GALNT17: variants seen among roughly 807,000 people sequenced by gnomAD.
The protein encoded by GALNT17 is polypeptide N-acetylgalactosaminyltransferase 17.
In GALNT17, 29 loss-of-function variants were observed where a neutral mutation model predicts 63.7. The ratio of observed to expected loss-of-function variants is 0.46; its 90% CI spans 0.34 to 0.62. The LOEUF (loss-of-function observed/expected upper bound fraction) is 0.62, where lower values mean the gene tolerates loss of function less well. Among genes scored for constraint, GALNT17 ranks in the 20% least tolerant of loss-of-function variants. The pLI, the probability that GALNT17 is intolerant of heterozygous loss-of-function variation, is 0.01. For missense variants in GALNT17, 603 were observed against 799.6 expected, an observed-to-expected ratio of 0.75 and a Z score of 2.97; for synonymous variants, 305 against 318.3, an observed-to-expected ratio of 0.96 and a Z score of 0.45.
intron 5 of GALNT17, among the ~76,000 whole-genome samples, chr7:71,433,975 TG>T (rs1204563376): frequency 6.6e-6 from 1 of 152,122 alleles, no homozygotes; most frequent in African/African-American, 2.4e-5. Flanking sequence ...AGGACTAGAT[TG>T]GCTGAGTCTT....
At chr7:71,231,393 C>T (rs1405782605) in intron 1 of GALNT17, among the ~76,000 whole-genome samples, 1 of 151,952 alleles carries the variant, frequency 6.6e-6, no homozygotes, top group South Asian at 2.1e-4. Context: ...ACATGGCAGG[C>T]GATTTGGATA....
chr7:71,154,888 A>G (rs1378486583), intron 1 of GALNT17, among the ~76,000 whole-genome samples: 2 of 151,836 alleles, frequency 1.3e-5, no homozygotes, highest in Non-Finnish European at 2.9e-5. Flanking sequence ...AATAGCTAAC[A>G]TTTATTAAGC....
intron 3 of GALNT17, among the ~76,000 whole-genome samples, chr7:71,399,585 A>T (rs569260995): frequency 6.6e-6 from 1 of 152,204 alleles, no homozygotes; most frequent in South Asian, 2.1e-4. Flanking sequence ...TATTTTAGAA[A>T]TCCTTTTACT....
At chr7:71,390,561 G>A (rs1490860895) in intron 3 of GALNT17, among the ~76,000 whole-genome samples, 2 of 152,166 alleles carry the variant, frequency 1.3e-5, no homozygotes. Flanking sequence ...AAGCCTCTAA[G>A]TTGTGCAGCA....
chr7:71,565,544 G>C (rs1449955466), intron 5 of GALNT17, among the ~76,000 whole-genome samples: 13 of 122,670 alleles, frequency 1.1e-4, no homozygotes, highest in Non-Finnish European at 1.6e-4. Flanking sequence ...CTGATACCCA[G>C]TTGGTCCCTG....
intron 1 of GALNT17, among the ~76,000 whole-genome samples, chr7:71,283,006 G>T (rs965703258): frequency 2.0e-5 from 3 of 151,994 alleles, no homozygotes; most frequent in African/African-American, 7.3e-5. Flanking sequence ...GAGCCAAGGT[G>T]GGACCAGAAC....
intron 1 of GALNT17, among the ~76,000 whole-genome samples, chr7:71,264,569 A>T (rs138076053): frequency 2.0e-4 from 31 of 152,298 alleles, no homozygotes; most frequent in African/African-American, 7.2e-4. Flanking sequence ...AAGGTATAGA[A>T]TCAAACTAAG....
chr7:71,551,565 A>G (rs1440050403), intron 5 of GALNT17, among the ~76,000 whole-genome samples: 2 of 152,018 alleles, frequency 1.3e-5, no homozygotes, highest in Non-Finnish European at 1.5e-5. Flanking sequence ...AAAGTTATGT[A>G]TAGCCTGGGC....
intron 1 of GALNT17, among the ~76,000 whole-genome samples, chr7:71,215,863 A>G (rs1789467375): frequency 1.3e-5 from 2 of 152,158 alleles, no homozygotes; most frequent in South Asian, 4.1e-4. Flanking sequence ...TTGTATTGAG[A>G]TAGGTCATAC....
Position 71,133,186 on chromosome 7 carries a change from T to C in GALNT17, c.238+146T>C, listed in dbSNP as rs868364175. 6.0e-6 allele frequency: 4 copies of C among 669,110 alleles called. 1 individual carries two copies. In the South Asian group the frequency reaches 9.2e-5, roughly 15 times the overall value. The allele number at this position is 669,110 out of a possible 1,614,324, so 41.4% of individuals were successfully genotyped here. On this transcript the variant is annotated intron_variant, in intron 1 of 10. Coordinates refer to ENST00000333538, the MANE Select transcript of GALNT17 (RefSeq NM_022479.3). ...GCTCCTTCTTACCCTTCCTGCCCCG[T>C]TTCGGGCAGATGGCCGGGGCTGCTG...
chr7:71,592,961 A>G (rs1363586405), intron 6 of GALNT17, among the ~76,000 whole-genome samples: 3 of 152,066 alleles, frequency 2.0e-5, no homozygotes, highest in Admixed American at 6.6e-5. Context: ...AGCCTGGGCA[A>G]CATAGTGAAA....
chr7:71,328,195 C>G (rs1450592368), intron 1 of GALNT17, among the ~76,000 whole-genome samples: 1 of 152,190 alleles, frequency 6.6e-6, no homozygotes, highest in African/African-American at 2.4e-5. Context: ...TTGGCTTTAA[C>G]TGTCGTCAGC....
chr7:71,377,114 A>AAAAAAAAAAAAAT, intron 2 of GALNT17, among the ~76,000 whole-genome samples: 2 of 57,466 alleles, frequency 3.5e-5, no homozygotes, highest in Non-Finnish European at 6.0e-5. Context: ...AAATAAAAAA[A>AAAAAAAAAAAAAT]ATATATATAT....
At chr7:71,327,045 G>T (rs1791716939) in intron 1 of GALNT17, among the ~76,000 whole-genome samples, 1 of 152,122 alleles carries the variant, frequency 6.6e-6, no homozygotes, top group Admixed American at 6.5e-5. Flanking sequence ...CCTGAAGCTG[G>T]TTCTCCAGAT....
At chr7:71,147,576 A>G (rs760289222) in intron 1 of GALNT17, among the ~76,000 whole-genome samples, 3 of 152,146 alleles carry the variant, frequency 2.0e-5, no homozygotes, top group African/African-American at 7.2e-5. Context: ...ATTGACACTC[A>G]GTATTAACCA....
At chr7:71,348,464 C>T (rs959722741) in intron 2 of GALNT17, among the ~76,000 whole-genome samples, 1 of 152,146 alleles carries the variant, frequency 6.6e-6, no homozygotes, top group Non-Finnish European at 1.5e-5. Flanking sequence ...TTCTAGAGAG[C>T]TTTCTGGACA....
chr7:71,493,137 C>G (rs141753357), intron 5 of GALNT17, among the ~76,000 whole-genome samples: 28 of 152,196 alleles, frequency 1.8e-4, no homozygotes, highest in African/African-American at 6.0e-4. Context: ...TGGAGCATCA[C>G]CTTGTCTTTG....
intron 1 of GALNT17, among the ~76,000 whole-genome samples, chr7:71,217,927 C>A (rs1251419778): frequency 9.1e-5 from 13 of 142,866 alleles, no homozygotes; most frequent in South Asian, 2.2e-4. Context: ...GACTCCGTCT[C>A]AAAAAAAAAA....
At chr7:71,481,377 G>C (rs1787814510) in intron 5 of GALNT17, among the ~76,000 whole-genome samples, 1 of 152,146 alleles carries the variant, frequency 6.6e-6, no homozygotes, top group South Asian at 2.1e-4. Context: ...CTTGAACCCG[G>C]GAGGCAGAGC....
Sources: allele counts gnomAD v4.1 joint callset (sites outside exome capture counted in the v4.1 genomes callset), GRCh38; gene constraint gnomAD v4.1.1; transcripts MANE v1.5; gene names NCBI Gene and HGNC (gene_info 2026-07-23, HGNC 2026-07-21).